NDRG3: variants seen among roughly 807,000 people sequenced by gnomAD.
The protein encoded by NDRG3 is protein NDRG3.
A neutral mutation model predicts 57.2 loss-of-function variants in NDRG3; 23 were observed. That is an observed-to-expected ratio of 0.40 (90% CI 0.29 to 0.57). NDRG3 has a LOEUF of 0.57. Among genes scored for constraint, NDRG3 ranks in the 20% least tolerant of loss-of-function variants. The pLI is 0.42. For missense variants in NDRG3, 384 were observed against 457.3 expected, an observed-to-expected ratio of 0.84 and a Z score of 1.46; for synonymous variants, 132 against 162.6, an observed-to-expected ratio of 0.81 and a Z score of 1.43.
chr20:36,733,707 T>TA (rs1050772565), intron 1 of NDRG3, among the ~76,000 whole-genome samples: 14 of 142,402 alleles, frequency 9.8e-5, no homozygotes, highest in African/African-American at 2.3e-4. Flanking sequence ...AAAAAAAAAA[T>TA]AAAAAAAAAT....
chr20:36,733,171 A>AAATATATATATAT (rs1555807709), intron 1 of NDRG3, among the ~76,000 whole-genome samples: 3 of 33,222 alleles, frequency 9.0e-5, no homozygotes, highest in Non-Finnish European at 1.7e-4. Context: ...AAAAAAAAAA[A>AAATATATATATAT]ATATATATAT....
chr20:36,712,985 T>C (rs1234619622), intron 2 of NDRG3, among the ~76,000 whole-genome samples: 1 of 152,106 alleles, frequency 6.6e-6, no homozygotes, highest in Non-Finnish European at 1.5e-5. Context: ...AGCCTTGACC[T>C]CTGGGCTCAA....
At chr20:36,740,619 G>C (rs1985884023) in intron 1 of NDRG3, among the ~76,000 whole-genome samples, 1 of 152,208 alleles carries the variant, frequency 6.6e-6, no homozygotes, top group Non-Finnish European at 1.5e-5. Context: ...TGGGATTACA[G>C]GCGTGAGCCA....
At chr20:36,687,187 G>A (rs1034587571) in intron 5 of NDRG3, among the ~76,000 whole-genome samples, 1 of 149,238 alleles carries the variant, frequency 6.7e-6, no homozygotes, top group Non-Finnish European at 1.5e-5. Flanking sequence ...AACAGATAAG[G>A]AAGGGAAAGA....
At chr20:36,739,924 A>C (rs945805722) in intron 1 of NDRG3, among the ~76,000 whole-genome samples, 4 of 151,332 alleles carry the variant, frequency 2.6e-5, no homozygotes, top group East Asian at 1.9e-4. Context: ...AAAAAAAAAA[A>C]AAAAAAAACC....
chr20:36,741,852 G>A (rs1985944050), intron 1 of NDRG3, among the ~76,000 whole-genome samples: 1 of 152,156 alleles, frequency 6.6e-6, no homozygotes, highest in East Asian at 1.9e-4. Flanking sequence ...GTCGAGCCCA[G>A]GAATATGGGT....
chr20:36,690,514 C>G (rs1206990184), intron 3 of NDRG3, among the ~76,000 whole-genome samples: 1 of 104,476 alleles, frequency 9.6e-6, no homozygotes, highest in East Asian at 2.7e-4. Context: ...ATGCACCGAG[C>G]AAAGCTCAGG....
intron 1 of NDRG3, among the ~76,000 whole-genome samples, chr20:36,734,193 C>A (rs538918903): frequency 1.3e-5 from 2 of 150,966 alleles, no homozygotes; most frequent in South Asian, 2.1e-4. Context: ...AGTGACAGAG[C>A]GAGACTCCGT....
chr20:36,744,661 G>C (rs1568680677), intron 1 of NDRG3, among the ~76,000 whole-genome samples: 1 of 152,130 alleles, frequency 6.6e-6, no homozygotes, highest in Non-Finnish European at 1.5e-5. Context: ...TATTTTGGGG[G>C]AGAAACATTC....
intron 1 of NDRG3, among the ~76,000 whole-genome samples, chr20:36,724,123 G>C (rs1489373442): frequency 6.6e-6 from 1 of 152,064 alleles, no homozygotes; most frequent in Non-Finnish European, 1.5e-5. Flanking sequence ...GCTATTATTT[G>C]CCAACACACT....
chr20:36,684,347 A>G lies in NDRG3; in HGVS notation c.383+66T>C. ...TCCTAACCATCATATCCTCTGAAACAGACACTAAATAATTCACCATAGAAA... is the reference window on the plus strand; with the variant it reads ...TCCTAACCATCATATCCTCTGAAACGGACACTAAATAATTCACCATAGAAA... On this transcript the variant is annotated intron_variant, in intron 6 of 15. Coordinates refer to ENST00000349004, the MANE Select transcript of NDRG3 (RefSeq NM_032013.4). 6.0e-6 allele frequency: 8 copies of G among 1,329,526 alleles called. No homozygotes were observed. In the South Asian group the frequency reaches 9.5e-5, roughly 16 times the overall value. 82.4% of individuals were successfully genotyped at this position (1,329,526 alleles called of 1,614,324 possible).
intron 2 of NDRG3, among the ~76,000 whole-genome samples, chr20:36,719,500 G>C (rs1036859910): frequency 6.6e-6 from 1 of 151,816 alleles, no homozygotes; most frequent in African/African-American, 2.4e-5. Flanking sequence ...GAAGGGGTGG[G>C]AGTGGGAATG....
intron 8 of NDRG3, among the ~76,000 whole-genome samples, chr20:36,680,565 G>GT (rs1981188533): frequency 6.6e-6 from 1 of 151,932 alleles, no homozygotes; most frequent in Admixed American, 6.6e-5. Flanking sequence ...CTTATCTCTG[G>GT]TAACAACAGT....
intron 9 of NDRG3, among the ~76,000 whole-genome samples, chr20:36,667,599 C>T (rs937160784): frequency 6.6e-6 from 1 of 152,186 alleles, no homozygotes; most frequent in Non-Finnish European, 1.5e-5. Flanking sequence ...CTGCCAGATT[C>T]TTGAGTACAT....
intron 2 of NDRG3, among the ~76,000 whole-genome samples, chr20:36,708,810 G>T (rs886757454): frequency 6.6e-6 from 1 of 151,966 alleles, no homozygotes; most frequent in Non-Finnish European, 1.5e-5. Context: ...AGGCCAAGGC[G>T]GGCGGATCAC....
chr20:36,689,230 A>C (rs1012814246), intron 3 of NDRG3, among the ~76,000 whole-genome samples: 2 of 152,094 alleles, frequency 1.3e-5, no homozygotes, highest in African/African-American at 4.8e-5. Context: ...CATACCAGAG[A>C]GATGCTAGAG....
chr20:36,667,119 T>C (rs1337651654), intron 9 of NDRG3, among the ~76,000 whole-genome samples: 3 of 152,210 alleles, frequency 2.0e-5, no homozygotes, highest in African/African-American at 7.2e-5. Flanking sequence ...CATAAATCTT[T>C]AATAACCATA....
Position 36,665,078 on chromosome 20 carries a change from CCA to C in NDRG3, c.776_777del (p.Val259GlyfsTer9). The C allele has an allele frequency of 6.2e-7, 1 of 1,614,136 alleles. No homozygotes were observed. The highest frequency in any genetic ancestry group is 8.5e-7 in the Non-Finnish European group (1 of 1,180,002). ...TCAACTGCAGGCGAATTGTCCCCTA[CCA>C]CCAGTAAAGTAGAACACCTAGGTAG... ...SKTLKCSTLL[V>X]VGDNSPAVEA... On this transcript the variant is annotated frameshift_variant, in exon 12 of 16. Coordinates refer to ENST00000349004, the MANE Select transcript of NDRG3 (RefSeq NM_032013.4). LOFTEE classifies it high-confidence loss of function.
intron 2 of NDRG3, among the ~76,000 whole-genome samples, chr20:36,707,250 A>C (rs1983599678): frequency 6.6e-6 from 1 of 152,208 alleles, no homozygotes; most frequent in Admixed American, 6.5e-5. Flanking sequence ...AAAGGGGCCT[A>C]GTTTTCTAGC....
Sources: allele counts gnomAD v4.1 joint callset (sites outside exome capture counted in the v4.1 genomes callset), GRCh38; gene constraint gnomAD v4.1.1; transcripts MANE v1.5; gene names NCBI Gene and HGNC (gene_info 2026-07-23, HGNC 2026-07-21).